CDIN1: variants seen among roughly 807,000 people sequenced by gnomAD.
The protein encoded by CDIN1 is CDAN1 interacting nuclease 1.
Under a neutral mutation model 45.3 loss-of-function variants are expected in CDIN1, and 33 were observed. The ratio of observed to expected loss-of-function variants is 0.73; its 90% CI spans 0.55 to 0.97. The LOEUF is 0.97. Ranked by LOEUF, CDIN1 falls within the 50% of genes least tolerant of loss-of-function variation. The pLI, the probability that CDIN1 is intolerant of heterozygous loss-of-function variation, is 0.00. For missense variants in CDIN1, 303 were observed against 339.4 expected (o/e 0.89, Z 0.84); for synonymous variants, 118 against 124.4 (o/e 0.95, Z 0.34).
chr15:36,583,695 G>T (rs2037152895), intron 1 of CDIN1, among the ~76,000 whole-genome samples: 1 of 152,052 alleles, frequency 6.6e-6, no homozygotes, highest in African/African-American at 2.4e-5. Flanking sequence ...GCATATTTCT[G>T]GTCATAATAA....
chr15:36,636,047 C>G (rs187520826), intron 1 of CDIN1, among the ~76,000 whole-genome samples: 19 of 151,928 alleles, frequency 1.3e-4, no homozygotes, highest in Non-Finnish European at 2.6e-4. Context: ...AAATTATGAT[C>G]GAGCATATTC....
At chr15:36,735,210 G>A (rs2043974125) in intron 10 of CDIN1, among the ~76,000 whole-genome samples, 1 of 152,086 alleles carries the variant, frequency 6.6e-6, no homozygotes, top group Admixed American at 6.5e-5. Context: ...ATATACATAT[G>A]CATTCATCAT....
Position 36,663,241 on chromosome 15 carries a change from T to C in CDIN1, c.346+5336T>C, listed in dbSNP as rs978097982. On this transcript the variant is annotated intron_variant, in intron 5 of 10. Transcript: ENST00000566621. Reference sequence around the variant, plus strand: ...GATGGGGTTATATGATGGAAGATACTGAAATCCAGACCTAGGTATTTATAT... The same window carrying C: ...GATGGGGTTATATGATGGAAGATACCGAAATCCAGACCTAGGTATTTATAT... Among the ~76,000 whole-genome samples the C allele has an allele frequency of 2.0e-5, 3 of 152,322 alleles. No individual in the cohort carries two copies. In the South Asian group the frequency reaches 6.2e-4, roughly 32 times the overall value.
At chr15:36,685,797 A>G (rs2042020323) in intron 5 of CDIN1, among the ~76,000 whole-genome samples, 1 of 152,256 alleles carries the variant, frequency 6.6e-6, no homozygotes. Context: ...TGGCCAACAG[A>G]CACATGAAAA....
chr15:36,671,752 T>G (rs1028185068), intron 5 of CDIN1, among the ~76,000 whole-genome samples: 1 of 152,168 alleles, frequency 6.6e-6, no homozygotes, highest in Non-Finnish European at 1.5e-5. Flanking sequence ...TTGTTAATGT[T>G]GATGTTTTTT....
At chr15:36,745,054 G>A (rs2044372144) in intron 10 of CDIN1, among the ~76,000 whole-genome samples, 1 of 152,136 alleles carries the variant, frequency 6.6e-6, no homozygotes. Flanking sequence ...TGTATGAGCA[G>A]ATTATGATAA....
chr15:36,607,059 C>T (rs377544764), intron 1 of CDIN1, among the ~76,000 whole-genome samples: 160 of 152,242 alleles, frequency 1.1e-3, no homozygotes, highest in African/African-American at 3.5e-3. Context: ...AAGGTGTTTT[C>T]TTGGTCCCTA....
rs2055308806 is a variant in CDIN1, at chr15:36,808,603, CAT to C, written c.*153_*154del. The C allele has an allele frequency of 9.5e-7, 1 of 1,056,292 alleles. No individual in the cohort carries two copies. The highest frequency in any genetic ancestry group is 1.3e-6 in the Non-Finnish European group (1 of 742,514). The allele number at this position is 1,056,292 out of a possible 1,614,324, so 65.4% of individuals were successfully genotyped here. A position where few individuals can be genotyped will look rare whatever the true frequency, so the allele number is the denominator to read the frequency against. Reference sequence around the variant, plus strand: ...TCACACCACTACCTCTTTAGACAAACATATCAAGAGTTTCTGTTTTCCTTCAT... The same window carrying C: ...TCACACCACTACCTCTTTAGACAAACATCAAGAGTTTCTGTTTTCCTTCAT... On this transcript the variant is annotated 3_prime_UTR_variant, in exon 11 of 11. Transcript: ENST00000566621.
chr15:36,625,941 A>G (rs181292140), intron 1 of CDIN1, among the ~76,000 whole-genome samples: 44 of 152,200 alleles, frequency 2.9e-4, no homozygotes, highest in Non-Finnish European at 5.4e-4. Context: ...CTTTTATTTC[A>G]CATTTAAGCA....
Position 36,651,590 on chromosome 15 carries a change from T to C in CDIN1, c.213-2508T>C, listed in dbSNP as rs568512027. ...CACTTATGAGGTGCTACAGGTATAG[T>C]TGGGAAACAGATTGGAAAACAAATA... On this transcript the variant is annotated intron_variant, in intron 3 of 10. Coordinates refer to ENST00000566621, the MANE Select transcript of CDIN1 (RefSeq NM_001321759.2). Among the ~76,000 whole-genome samples, 7 of 152,254 alleles carry C rather than the reference T, an allele frequency of 4.6e-5. No individual in the cohort carries two copies. In the South Asian group the frequency reaches 1.2e-3, roughly 27 times the overall value.
intron 10 of CDIN1, among the ~76,000 whole-genome samples, chr15:36,762,739 GGT>G (rs1483213424): frequency 6.6e-6 from 1 of 151,940 alleles, no homozygotes; most frequent in Non-Finnish European, 1.5e-5. Flanking sequence ...GAGAACATGC[GGT>G]GTTTGGATAT....
At position 36,594,049 on chromosome 15, in the gene CDIN1, AT is replaced by A. The variant is rs1237279446; in HGVS notation, c.101+14091del. Among the ~76,000 whole-genome samples the A allele has an allele frequency of 8.5e-5, 13 of 152,282 alleles. No individual in the cohort carries two copies. In the East Asian group the frequency reaches 2.1e-3, roughly 25 times the overall value. On this transcript the variant is annotated intron_variant, in intron 1 of 10. Coordinates refer to ENST00000566621, the MANE Select transcript of CDIN1 (RefSeq NM_001321759.2). ...ATGGTGCCTTCAAAGTTTTCTTTTA[AT>A]TTATCTTATTTTTGCAGTTCTGCTA...
chr15:36,678,083 G>T (rs2140590472), intron 5 of CDIN1, among the ~76,000 whole-genome samples: 1 of 152,270 alleles, frequency 6.6e-6, no homozygotes, highest in South Asian at 2.1e-4. Flanking sequence ...TAGTTGGAGA[G>T]AATAATTTAA....
chr15:36,706,427 A>G (rs1396626946), intron 8 of CDIN1: 2 of 152,142 alleles, frequency 1.3e-5, no homozygotes, highest in Non-Finnish European at 2.9e-5. Context: ...AGCTTGGCCA[A>G]CATGGGGAAA....
chr15:36,802,657 G>A (rs1379083191), intron 10 of CDIN1, among the ~76,000 whole-genome samples: 2 of 151,964 alleles, frequency 1.3e-5, no homozygotes, highest in African/African-American at 2.4e-5. Context: ...AAGGAAAGGG[G>A]AGTATTTAGT....
At chr15:36,714,976 A>G (rs537285368) in intron 10 of CDIN1, among the ~76,000 whole-genome samples, 4 of 152,202 alleles carry the variant, frequency 2.6e-5, no homozygotes, top group Non-Finnish European at 4.4e-5. Flanking sequence ...GGATTCAGAT[A>G]TAACTAGACA....
chr15:36,740,687 G>A (rs190334088), intron 10 of CDIN1, among the ~76,000 whole-genome samples: 11 of 152,132 alleles, frequency 7.2e-5, no homozygotes, highest in Non-Finnish European at 1.3e-4. Context: ...TCGGGAGTTC[G>A]AGACCAGCCT....
chr15:36,673,427 T>G (rs2041524925), intron 5 of CDIN1, among the ~76,000 whole-genome samples: 1 of 152,162 alleles, frequency 6.6e-6, no homozygotes, highest in African/African-American at 2.4e-5. Flanking sequence ...CGTTTTTAAT[T>G]AATAAACAAA....
At chr15:36,689,912 A>G (rs1216203187) in intron 5 of CDIN1, among the ~76,000 whole-genome samples, 1 of 152,154 alleles carries the variant, frequency 6.6e-6, no homozygotes, top group African/African-American at 2.4e-5. Context: ...ACACAAGAAC[A>G]CTTTATTTCG....
Sources: gnomAD v4.1 joint callset for allele counts (sites outside exome capture counted in the v4.1 genomes callset) on GRCh38, gnomAD v4.1.1 for gene constraint, MANE v1.5 for transcripts, NCBI Gene and HGNC (gene_info 2026-07-23, HGNC 2026-07-21) for gene names.